The following DNAAF9 variants were observed in gnomAD, a reference collection of about 807,000 sequenced individuals.
The protein encoded by DNAAF9 is shulin.
In DNAAF9, 90 loss-of-function variants were observed where a neutral mutation model predicts 167.0. That is an observed-to-expected ratio of 0.54 (90% CI 0.45 to 0.64). The LOEUF (loss-of-function observed/expected upper bound fraction) is 0.64. Ranked by LOEUF, DNAAF9 falls within the 30% of genes least tolerant of loss-of-function variation. The probability of loss-of-function intolerance (pLI) is 0.00; values close to 1 mark genes in which losing one functional copy is unlikely to be tolerated. For synonymous variants in DNAAF9, 491 were observed against 508.8 expected (o/e 0.96, Z 0.47); for missense variants, 1,315 against 1,442.2 (o/e 0.91, Z 1.43).
chr20:3,360,994 AGG>A (rs1419313790), intron 6 of DNAAF9, among the ~76,000 whole-genome samples: 1 of 152,176 alleles, frequency 6.6e-6, no homozygotes, highest in East Asian at 1.9e-4. Context: ...ATGACAGCAG[AGG>A]GTGGCAGGGC....
chr20:3,359,639 T>C (rs1370062841), intron 6 of DNAAF9, 46 bp from the exon 7 acceptor site: 4 of 1,289,972 alleles, frequency 3.1e-6, no homozygotes, highest in Non-Finnish European at 2.2e-6. Flanking sequence ...TCAATATCAT[T>C]AGGACAATCA....
intron 30 of DNAAF9, among the ~76,000 whole-genome samples, chr20:3,267,965 T>C (rs1461747676): frequency 6.6e-6 from 1 of 152,188 alleles, no homozygotes; most frequent in Non-Finnish European, 1.5e-5. Flanking sequence ...AAAAGTTACT[T>C]GAATTAAATA....
chr20:3,374,540 A>C (rs980549346), intron 5 of DNAAF9, among the ~76,000 whole-genome samples: 4 of 152,244 alleles, frequency 2.6e-5, no homozygotes, highest in Non-Finnish European at 5.9e-5. Context: ...CTCAAGGGAA[A>C]ACTACTAAAT....
intron 6 of DNAAF9, among the ~76,000 whole-genome samples, chr20:3,363,253 T>C (rs950433848): frequency 1.6e-5 from 2 of 127,162 alleles, no homozygotes; most frequent in East Asian, 4.4e-4. Context: ...AGGAAATGAT[T>C]AATGCAAAGC....
At chr20:3,329,937 T>C (rs564681181) in intron 12 of DNAAF9, among the ~76,000 whole-genome samples, 4 of 152,228 alleles carry the variant, frequency 2.6e-5, no homozygotes, top group Non-Finnish European at 5.9e-5. Context: ...ACCCTCTCAC[T>C]ATGTTCCATA....
At chr20:3,342,458 CT>C (rs1269183259) in intron 9 of DNAAF9, among the ~76,000 whole-genome samples, 2 of 152,082 alleles carry the variant, frequency 1.3e-5, no homozygotes, top group Non-Finnish European at 2.9e-5. Context: ...TATTTGCTTC[CT>C]TTTTTTAAAC....
rs933038005 is a variant in DNAAF9, at chr20:3,407,644, G to C, written c.-87C>G. ...GGGCGGCTCCACGCTAGCTGCGGCC[G>C]GGCGGGGCGGCAGGGCGTGCCGGGT... On this transcript the variant is annotated 5_prime_UTR_variant, in exon 1 of 37. Coordinates refer to ENST00000252032, the MANE Select transcript of DNAAF9 (RefSeq NM_001009984.3). The C allele has an allele frequency of 1.0e-5, 12 of 1,149,566 alleles. No homozygotes were observed. The East Asian group carries it at 3.2e-4, about 31-fold the overall frequency. 71.2% of individuals were successfully genotyped at this position (1,149,566 alleles called of 1,614,324 possible).
chr20:3,367,864 G>T (rs752465267), intron 6 of DNAAF9, among the ~76,000 whole-genome samples: 1 of 150,504 alleles, frequency 6.6e-6, no homozygotes, highest in Non-Finnish European at 1.5e-5. Flanking sequence ...TGGAAAATTG[G>T]AGCCAACAGG....
rs190926984 is a variant in DNAAF9, at chr20:3,264,541, A to G, written c.2787-17T>C. On this transcript the variant is annotated splice_polypyrimidine_tract_variant and intron_variant, in intron 30 of 36. Coordinates refer to ENST00000252032, the MANE Select transcript of DNAAF9 (RefSeq NM_001009984.3). The stretch of plus-strand genomic sequence containing the variant: ...TCTTCATTCCTTTGAAAACACACAG[A>G]AAAGACCTAGATTAATTAGGACTGT... The G allele has an allele frequency of 1.6e-6, 2 of 1,262,828 alleles. No individual in the cohort carries two copies. Among genetic ancestry groups the G allele is most frequent in the Admixed American group, 3.5e-5 (2 of 57,820 alleles). 78.2% of individuals were successfully genotyped at this position (1,262,828 alleles called of 1,614,324 possible).
At chr20:3,348,068 T>C (rs1430775713) in intron 8 of DNAAF9, among the ~76,000 whole-genome samples, 1 of 152,170 alleles carries the variant, frequency 6.6e-6, no homozygotes, top group African/African-American at 2.4e-5. Flanking sequence ...AAGGATTCCT[T>C]GGATCCTTCC....
At chr20:3,308,396 G>A (rs912642538) in intron 20 of DNAAF9, among the ~76,000 whole-genome samples, 1 of 142,898 alleles carries the variant, frequency 7.0e-6, no homozygotes, top group Non-Finnish European at 1.5e-5. Flanking sequence ...TGGCTGGAGT[G>A]CAGTGGTGCC....
intron 17 of DNAAF9, among the ~76,000 whole-genome samples, 163 bp downstream of exon 17, chr20:3,318,126 G>A (rs530525596): frequency 5.1e-5 from 7 of 136,578 alleles, no homozygotes; most frequent in South Asian, 4.6e-4. Flanking sequence ...TTTTTGATAC[G>A]GGGTCTCACT....
chr20:3,363,489 A>G (rs546326614), intron 6 of DNAAF9, among the ~76,000 whole-genome samples: 18 of 152,000 alleles, frequency 1.2e-4, no homozygotes, highest in African/African-American at 4.1e-4. Flanking sequence ...TAAAAAATAA[A>G]AACGAAAAAA....
chr20:3,314,947 T>C (rs1388543045), intron 20 of DNAAF9, 86 bp downstream of exon 20: 7 of 749,482 alleles, frequency 9.3e-6, no homozygotes, highest in Non-Finnish European at 1.7e-5. Flanking sequence ...AAATAGAAGA[T>C]GTATTATTAA....
intron 6 of DNAAF9, among the ~76,000 whole-genome samples, chr20:3,365,524 T>C (rs930174820): frequency 1.3e-5 from 2 of 152,144 alleles, no homozygotes; most frequent in Admixed American, 6.5e-5. Context: ...CCTGAGTAGC[T>C]GGGATTACAG....
At chr20:3,271,921 A>G (rs758585847) in intron 29 of DNAAF9, among the ~76,000 whole-genome samples, 2 of 152,046 alleles carry the variant, frequency 1.3e-5, no homozygotes, top group South Asian at 4.1e-4. Flanking sequence ...ACCCAGCTGT[A>G]CTTCTTAATA....
chr20:3,296,915 CCT>C lies in DNAAF9; in HGVS notation c.1962_1963del (p.Gly655AspfsTer63). 6.2e-7 allele frequency: 1 copy of C among 1,610,650 alleles called. No individual in the cohort carries two copies. The highest frequency in any genetic ancestry group is 1.1e-5 in the South Asian group (1 of 90,988). ...TTCCTGGATCACTTTTAAAGAGATC[CCT>C]GAGTTATCCTGCTGTTTCCAGAGGG... On this transcript the variant is annotated frameshift_variant, in exon 23 of 37. Coordinates refer to ENST00000252032, the MANE Select transcript of DNAAF9 (RefSeq NM_001009984.3). LOFTEE classifies it high-confidence loss of function.
intron 7 of DNAAF9, among the ~76,000 whole-genome samples, chr20:3,357,630 C>T (rs2083305418): frequency 2.0e-5 from 1 of 49,866 alleles, no homozygotes; most frequent in African/African-American, 7.2e-5. Context: ...ACCCATCCAG[C>T]TTTATCTTTT....
chr20:3,315,905 A>G lies in DNAAF9; in HGVS notation c.1540-120T>C. The G allele has an allele frequency of 1.2e-6, 1 of 813,290 alleles. No homozygotes were observed. The highest frequency in any genetic ancestry group is 2.2e-6 in the Non-Finnish European group (1 of 460,548). 50.4% of individuals were successfully genotyped at this position (813,290 alleles called of 1,614,324 possible). ...GCTGGACAGTCCTTCCACCATGTCC[A>G]TGTCCAGTGCTCTCAGGCCCTGACA... On this transcript the variant is annotated intron_variant, in intron 18 of 36. Coordinates refer to ENST00000252032, the MANE Select transcript of DNAAF9 (RefSeq NM_001009984.3). This position sits in a 1 kb window ranked among gnomAD's most constrained non-coding sequence, Gnocchi z 4.1.
Sources: allele counts gnomAD v4.1 joint callset (sites outside exome capture counted in the v4.1 genomes callset), GRCh38; gene constraint gnomAD v4.1.1; non-coding constraint Gnocchi (gnomAD v3.1); transcripts MANE v1.5; gene names NCBI Gene and HGNC (gene_info 2026-07-23, HGNC 2026-07-21).